The following PTPRD variants were observed in gnomAD, a reference collection of about 807,000 sequenced individuals.
PTPRD encodes protein tyrosine phosphatase receptor type D, also known as receptor-type tyrosine-protein phosphatase delta.
Under a neutral mutation model 214.5 loss-of-function variants are expected in PTPRD, and 34 were observed. That is an observed-to-expected ratio of 0.16 (90% CI 0.12 to 0.21). The LOEUF is 0.21. Ranked by LOEUF, PTPRD falls within the 10% of genes least tolerant of loss-of-function variation. PTPRD has a pLI of 1.00. For synonymous variants in PTPRD, 1,128 were observed against 845.7 expected (o/e 1.33, Z -5.79); for missense variants, 2,545 against 2,398.7 (o/e 1.06, Z -1.27).
intron 4 of PTPRD, among the ~76,000 whole-genome samples, chr9:9,996,382 A>G (rs527818926): frequency 1.3e-5 from 2 of 152,342 alleles, no homozygotes; most frequent in African/African-American, 4.8e-5. Context: ...ATAAGCTCTC[A>G]GTATGGGAGA....
At chr9:8,805,385 A>T (rs1481920610) in intron 11 of PTPRD, among the ~76,000 whole-genome samples, 5 of 152,200 alleles carry the variant, frequency 3.3e-5, no homozygotes, top group African/African-American at 1.2e-4. Flanking sequence ...TGAACATCAG[A>T]GTAATCCAAT....
intron 6 of PTPRD, among the ~76,000 whole-genome samples, chr9:9,759,555 CTTTTTTT>C (rs3050068): frequency 8.5e-6 from 1 of 117,854 alleles, no homozygotes; most frequent in African/African-American, 3.4e-5. Context: ...CAAGGTCTGT[CTTTTTTT>C]TTTTTTTTTT....
At chr9:10,030,205 C>T (rs1021121982) in intron 4 of PTPRD, among the ~76,000 whole-genome samples, 3 of 152,118 alleles carry the variant, frequency 2.0e-5, no homozygotes, top group African/African-American at 4.8e-5. Context: ...TGGACTAACA[C>T]AGTGGGTTTG....
intron 10 of PTPRD, among the ~76,000 whole-genome samples, chr9:9,094,133 T>A (rs2099780167): frequency 2.0e-5 from 3 of 152,266 alleles, no homozygotes; most frequent in Non-Finnish European, 4.4e-5. Context: ...ACCTGAATAG[T>A]CCTACATTAA....
chr9:9,395,307 T>G (rs1178673508), intron 9 of PTPRD, among the ~76,000 whole-genome samples: 1 of 152,032 alleles, frequency 6.6e-6, no homozygotes, highest in Non-Finnish European at 1.5e-5. Flanking sequence ...GGCCCTAATG[T>G]AAGGGATTTT....
At chr9:10,001,118 A>G (rs2096299513) in intron 4 of PTPRD, among the ~76,000 whole-genome samples, 1 of 151,720 alleles carries the variant, frequency 6.6e-6, no homozygotes, top group Non-Finnish European at 1.5e-5. Context: ...ACTCCTTAAA[A>G]CCACTCCACG....
intron 45 of PTPRD, among the ~76,000 whole-genome samples, chr9:8,319,622 T>C (rs1332609923): frequency 6.6e-6 from 1 of 152,110 alleles, no homozygotes; most frequent in African/African-American, 2.4e-5. Context: ...ATCTAACATA[T>C]AATCTCACAT....
intron 32 of PTPRD, among the ~76,000 whole-genome samples, chr9:8,461,262 C>T (rs1316804265): frequency 6.6e-5 from 10 of 151,946 alleles, no homozygotes; most frequent in Admixed American, 6.6e-4. Context: ...ATTTTTAGAA[C>T]TTAAAAGAAT....
intron 5 of PTPRD, among the ~76,000 whole-genome samples, chr9:9,916,880 A>C (rs745991420): frequency 6.6e-6 from 1 of 151,976 alleles, no homozygotes; most frequent in African/African-American, 2.4e-5. Flanking sequence ...TATCCCATTG[A>C]TCACAATAGA....
intron 7 of PTPRD, among the ~76,000 whole-genome samples, chr9:9,715,404 A>G (rs2097801055): frequency 1.3e-5 from 2 of 152,194 alleles, no homozygotes; most frequent in Admixed American, 1.3e-4. Flanking sequence ...TGTTATAAAT[A>G]ACCTCTCTAT....
At chr9:10,491,984 T>C (rs2040427508) in intron 2 of PTPRD, among the ~76,000 whole-genome samples, 1 of 152,134 alleles carries the variant, frequency 6.6e-6, no homozygotes, top group South Asian at 2.1e-4. Context: ...TGTTCCTGTG[T>C]TAGTTTGCTG....
intron 11 of PTPRD, among the ~76,000 whole-genome samples, chr9:8,972,601 TAGTC>T (rs2099245225): frequency 6.6e-6 from 1 of 151,942 alleles, no homozygotes; most frequent in South Asian, 2.1e-4. Flanking sequence ...TGAGGACTGT[TAGTC>T]AATAACCTTG....
chr9:9,031,735 T>A (rs1399530958), intron 10 of PTPRD, among the ~76,000 whole-genome samples: 1 of 151,864 alleles, frequency 6.6e-6, no homozygotes, highest in Non-Finnish European at 1.5e-5. Context: ...AGAGTACAAA[T>A]AGGAAAGAGA....
chr9:9,714,459 C>T (rs1246423815), intron 7 of PTPRD, among the ~76,000 whole-genome samples: 15 of 152,042 alleles, frequency 9.9e-5, no homozygotes, highest in Admixed American at 8.5e-4. Context: ...TACACATATA[C>T]AAAATGAACA....
At chr9:9,720,127 C>G (rs1030253793) in intron 7 of PTPRD, among the ~76,000 whole-genome samples, 61 of 152,148 alleles carry the variant, frequency 4.0e-4, no homozygotes, top group African/African-American at 1.3e-3. Context: ...CTGTTGACCC[C>G]AGATGTTTCC....
intron 2 of PTPRD, among the ~76,000 whole-genome samples, chr9:10,391,276 T>A (rs1373408384): frequency 6.6e-6 from 1 of 151,792 alleles, no homozygotes; most frequent in African/African-American, 2.4e-5. Context: ...TATTTGATTA[T>A]TTTTGTGGTT....
chr9:9,231,198 A>G (rs1167966335), intron 9 of PTPRD, among the ~76,000 whole-genome samples: 1 of 152,174 alleles, frequency 6.6e-6, no homozygotes. Flanking sequence ...GTCTCAGTAC[A>G]GTTGTTCATT....
chr9:8,635,171 T>C (rs1595761299), intron 13 of PTPRD, among the ~76,000 whole-genome samples: 1 of 150,484 alleles, frequency 6.6e-6, no homozygotes, highest in South Asian at 2.1e-4. Flanking sequence ...AAATAATTCA[T>C]TTACCCCAAA....
At chr9:10,124,134 G>A (rs2098797676) in intron 3 of PTPRD, among the ~76,000 whole-genome samples, 1 of 152,052 alleles carries the variant, frequency 6.6e-6, no homozygotes, top group Admixed American at 6.6e-5. Flanking sequence ...GAACCTGACG[G>A]TCTCTTTTAA....
Sources: gnomAD v4.1 joint callset for allele counts (sites outside exome capture counted in the v4.1 genomes callset) on GRCh38, gnomAD v4.1.1 for gene constraint, MANE v1.5 for transcripts, NCBI Gene and HGNC (gene_info 2026-07-23, HGNC 2026-07-21) for gene names.